BCL2L15: variants seen among roughly 807,000 people sequenced by gnomAD.
The protein encoded by BCL2L15 is bcl-2-like protein 15.
Under a neutral mutation model 18.3 loss-of-function variants are expected in BCL2L15, and 15 were observed. The ratio of observed to expected loss-of-function variants is 0.82; its 90% CI spans 0.55 to 1.26. The LOEUF (loss-of-function observed/expected upper bound fraction) is 1.26. Ranked by LOEUF, BCL2L15 falls within the 50% of genes most tolerant of loss-of-function variation. The pLI, the probability that BCL2L15 is intolerant of heterozygous loss-of-function variation, is 0.00. For missense variants in BCL2L15, 180 were observed against 201.7 expected, an observed-to-expected ratio of 0.89 and a Z score of 0.65; for synonymous variants, 58 against 68.5, an observed-to-expected ratio of 0.85 and a Z score of 0.76.
chr1:113,884,760 A>ATTAT (rs138573184), intron 2 of BCL2L15, among the ~76,000 whole-genome samples: 40 of 151,684 alleles, frequency 2.6e-4, no homozygotes, highest in African/African-American at 9.7e-4. Context: ...TTCAAGTCAA[A>ATTAT]TTATTTATTT....
chr1:113,878,528 A>G lies in BCL2L15; in HGVS notation c.*2595T>C, dbSNP rs1005157906. 6.6e-6 allele frequency: 1 copy of G among 152,396 alleles called. No individual in the cohort carries two copies. Among genetic ancestry groups the G allele is most frequent in the African/African-American group, 2.4e-5 (1 of 41,476 alleles). The allele number at this position is 152,396 out of a possible 1,614,324, so 9.4% of individuals were successfully genotyped here. A position where few individuals can be genotyped will look rare whatever the true frequency, so the allele number is the denominator to read the frequency against. ...AATGCAGTATACTTGGAACTGTTTT[A>G]TGAGCAACATAGGATAAAACTGGGA... is the stretch of plus-strand genomic sequence containing the variant. On this transcript the variant is annotated 3_prime_UTR_variant, in exon 4 of 4. Transcript: ENST00000393316.
rs1001745390 is a variant in BCL2L15, at chr1:113,878,879, C to T, written c.*2244G>A. Reference sequence around the variant, plus strand: ...TTCTTTTTTTTTTTTTAGACAGTTTCGCTTTTGTAGCCCAGGCTGGAGTGC... The same window carrying T: ...TTCTTTTTTTTTTTTTAGACAGTTTTGCTTTTGTAGCCCAGGCTGGAGTGC... On this transcript the variant is annotated 3_prime_UTR_variant, in exon 4 of 4. Transcript: ENST00000393316. The T allele has an allele frequency of 6.7e-5, 10 of 150,062 alleles. No homozygotes were observed. Among genetic ancestry groups the T allele is most frequent in the Admixed American group, 2.0e-4 (3 of 15,074 alleles). 9.3% of individuals were successfully genotyped at this position (150,062 alleles called of 1,614,324 possible). A position where few individuals can be genotyped will look rare whatever the true frequency, so the allele number is the denominator to read the frequency against.
rs1477880489 is a variant in BCL2L15 at position 113,878,575 on chromosome 1, T to C, written c.*2548A>G. Reference sequence around the variant, plus strand: ...GGGAGCTGGAATTATTCAATTTAGATTGAATTTGCTGAAACTTAGTTCAAA... The same window carrying C: ...GGGAGCTGGAATTATTCAATTTAGACTGAATTTGCTGAAACTTAGTTCAAA... On this transcript the variant is annotated 3_prime_UTR_variant, in exon 4 of 4. Coordinates refer to ENST00000393316, the MANE Select transcript of BCL2L15 (RefSeq NM_001010922.3). The C allele has an allele frequency of 3.3e-5, 5 of 152,484 alleles. No homozygotes were observed. Among genetic ancestry groups the C allele is most frequent in the Admixed American group, 2.0e-4 (3 of 15,304 alleles). 9.4% of individuals were successfully genotyped at this position (152,484 alleles called of 1,614,324 possible).
chr1:113,886,464 T>C (rs954062990), intron 2 of BCL2L15, 73 bp downstream of exon 2: 62 of 1,445,692 alleles, frequency 4.3e-5, no homozygotes, highest in Non-Finnish European at 5.8e-5. Flanking sequence ...CACTGTAGTA[T>C]GGGAGTAGTA....
Position 113,887,258 on chromosome 1 carries a change from C to T in BCL2L15, c.118G>A (p.Val40Ile). 1.2e-6 allele frequency: 2 copies of T among 1,614,124 alleles called. No individual in the cohort carries two copies. The highest frequency in any genetic ancestry group is 1.7e-6 in the Non-Finnish European group (2 of 1,179,978). ...ASRNLCCVDE[V>I]DSGEPCSFDV... ...AGGGCAGGAACCTTACCTGAATCTA[C>T]TTCATCTACACAGCATAGGTTCCGG... The change falls in exon 1 of 4, where the codon GTA (valine) becomes ATA (isoleucine). Residue 40 changes from valine (V) to isoleucine (I), a missense_variant. Coordinates refer to ENST00000393316, the MANE Select transcript of BCL2L15 (RefSeq NM_001010922.3).
chr1:113,877,182 A>C lies in BCL2L15; in HGVS notation c.*3941T>G, dbSNP rs1448219545. Among the ~76,000 whole-genome samples the C allele has an allele frequency of 6.6e-6, 1 of 152,106 alleles. No individual in the cohort carries two copies. The highest frequency in any genetic ancestry group is 2.4e-5 in the African/African-American group (1 of 41,404). Reference sequence around the variant, plus strand: ...CAGTAGGAGGAGGGCAGCTTTAGTGACTGGCTCGGTTATACTAGAGCATTG... The same window carrying C: ...CAGTAGGAGGAGGGCAGCTTTAGTGCCTGGCTCGGTTATACTAGAGCATTG... On this transcript the variant is annotated 3_prime_UTR_variant, in exon 4 of 4. Coordinates refer to ENST00000393316, the MANE Select transcript of BCL2L15 (RefSeq NM_001010922.3).
chr1:113,887,096 C>T (rs992676214), intron 1 of BCL2L15, among the ~76,000 whole-genome samples, 153 bp downstream of exon 1: 2 of 151,956 alleles, frequency 1.3e-5, no homozygotes, highest in East Asian at 1.9e-4. Context: ...TGGGGTTTCA[C>T]CACGTTGGCC....
chr1:113,886,561 G>A lies in BCL2L15; in HGVS notation c.225C>T (p.Val75=). ...CCTGTCCCTTAATGGTTTCTGCAATGACGTTTTTGGCAGAAGCTTCCAATT... is the reference window on the plus strand; with the variant it reads ...CCTGTCCCTTAATGGTTTCTGCAATAACGTTTTTGGCAGAAGCTTCCAATT... ...NGELEASAKN[V]IAETIKGQTG... is the part of the protein sequence containing the mutation. The change falls in exon 2 of 4, where the codon GTC becomes GTT. Residue 75 remains valine, a synonymous_variant. Coordinates refer to ENST00000393316, the MANE Select transcript of BCL2L15 (RefSeq NM_001010922.3). 2.5e-6 allele frequency: 4 copies of A among 1,613,748 alleles called. No homozygotes were observed. Among genetic ancestry groups the A allele is most frequent in the Non-Finnish European group, 2.5e-6 (3 of 1,179,926 alleles).
chr1:113,885,524 C>A (rs1365757931), intron 2 of BCL2L15, among the ~76,000 whole-genome samples: 16 of 152,064 alleles, frequency 1.1e-4, no homozygotes, highest in African/African-American at 3.1e-4. Context: ...CGGGTTCAAG[C>A]GATTCTCCTG....
chr1:113,885,914 A>G (rs1667017401), intron 2 of BCL2L15, among the ~76,000 whole-genome samples: 1 of 151,640 alleles, frequency 6.6e-6, no homozygotes, highest in Admixed American at 6.6e-5. Flanking sequence ...CATCTCAAAA[A>G]AAAAAAGCAT....
chr1:113,884,126 G>A (rs1349804220), intron 2 of BCL2L15, among the ~76,000 whole-genome samples: 1 of 152,162 alleles, frequency 6.6e-6, no homozygotes, highest in Non-Finnish European at 1.5e-5. Context: ...TTACAAAGGG[G>A]AAAAGAGTAA....
At chr1:113,883,948 G>A (rs989284583) in intron 2 of BCL2L15, among the ~76,000 whole-genome samples, 2 of 152,178 alleles carry the variant, frequency 1.3e-5, no homozygotes, top group African/African-American at 4.8e-5. Context: ...GCTAAAACTA[G>A]GATGATTTGA....
chr1:113,881,476 T>G, intron 3 of BCL2L15: 2 of 1,345,910 alleles, frequency 1.5e-6, no homozygotes, highest in Non-Finnish European at 1.9e-6. Flanking sequence ...AGGCTGAAAT[T>G]AGAACTCTAT....
intron 1 of BCL2L15, 146 bp from the exon 2 acceptor site, chr1:113,886,804 A>G (rs541769286): frequency 1.9e-5 from 14 of 724,208 alleles, no homozygotes; most frequent in Non-Finnish European, 1.9e-5. Context: ...CAACACCAAT[A>G]GTCAGAAAGT....
At chr1:113,885,531 C>A (rs546491877) in intron 2 of BCL2L15, among the ~76,000 whole-genome samples, 1 of 152,204 alleles carries the variant, frequency 6.6e-6, no homozygotes, top group African/African-American at 2.4e-5. Flanking sequence ...AAGCGATTCT[C>A]CTGCCTCAGT....
At chr1:113,884,660 G>T (rs1461619948) in intron 2 of BCL2L15, among the ~76,000 whole-genome samples, 3 of 152,156 alleles carry the variant, frequency 2.0e-5, no homozygotes, top group African/African-American at 7.2e-5. Flanking sequence ...ACTGTCAAAT[G>T]ATTCAAGAGA....
chr1:113,887,011 C>G (rs1667057207), intron 1 of BCL2L15, among the ~76,000 whole-genome samples: 3 of 151,882 alleles, frequency 2.0e-5, no homozygotes, highest in Admixed American at 6.6e-5. Context: ...AATTCTCATG[C>G]CTCAGTCTCC....
In BCL2L15 at chr1:113,878,832, A is replaced by G. The variant is rs907556143; in HGVS notation, c.*2291T>C. 1 of 152,254 alleles carries G rather than the reference A, an allele frequency of 6.6e-6. No homozygotes were observed. Among genetic ancestry groups the G allele is most frequent in the African/African-American group, 2.4e-5 (1 of 41,438 alleles). 9.4% of individuals were successfully genotyped at this position (152,254 alleles called of 1,614,324 possible). A position where few individuals can be genotyped will look rare whatever the true frequency, so the allele number is the denominator to read the frequency against. On this transcript the variant is annotated 3_prime_UTR_variant, in exon 4 of 4. Coordinates refer to ENST00000393316, the MANE Select transcript of BCL2L15 (RefSeq NM_001010922.3). ...GTTGTGATTTAACTAGGAATAGAGG[A>G]AAAAGCATAACTTTATTTATTTTCT...
chr1:113,881,725 A>C (rs918174148), intron 3 of BCL2L15, 48 bp downstream of exon 3: 1 of 1,581,620 alleles, frequency 6.3e-7, no homozygotes, highest in Non-Finnish European at 8.6e-7. Flanking sequence ...GTATTAGTAC[A>C]AAAACAGTGC....
Sources: gnomAD v4.1 joint callset for allele counts (sites outside exome capture counted in the v4.1 genomes callset) on GRCh38, gnomAD v4.1.1 for gene constraint, MANE v1.5 for transcripts, NCBI Gene and HGNC (gene_info 2026-07-23, HGNC 2026-07-21) for gene names.